ERCC6: variants seen among roughly 807,000 people sequenced by gnomAD.
ERCC6 encodes the protein DNA excision repair protein ERCC-6.
A neutral mutation model predicts 158.7 loss-of-function variants in ERCC6; 116 were observed. That is an observed-to-expected ratio of 0.73 (90% CI 0.63 to 0.85). ERCC6 has a LOEUF of 0.85. Ranked by LOEUF, ERCC6 falls within the 40% of genes least tolerant of loss-of-function variation. ERCC6 has a pLI of 0.00. For synonymous variants in ERCC6, 678 were observed against 659.3 expected (o/e 1.03, Z -0.43); for missense variants, 1,698 against 1,799.4 (o/e 0.94, Z 1.02).
At chr10:49,450,740 C>T (rs140782522), downstream of ERCC6, among the ~76,000 whole-genome samples, 9 of 152,060 alleles carry the variant, frequency 5.9e-5, no homozygotes, top group East Asian at 1.7e-3. Context: ...TTATTAAGCA[C>T]CTTATTCTTT....
chr10:49,462,208 T>C (rs1371878210), intron 18 of ERCC6, among the ~76,000 whole-genome samples: 8 of 152,116 alleles, frequency 5.3e-5, no homozygotes, highest in African/African-American at 1.9e-4. Context: ...AAAATAGAAA[T>C]AGATTGAACT....
intron 1 of ERCC6, among the ~76,000 whole-genome samples, chr10:49,536,332 G>A (rs931699770): frequency 6.6e-6 from 1 of 152,082 alleles, no homozygotes; most frequent in Non-Finnish European, 1.5e-5. Flanking sequence ...AGAAAAACTA[G>A]AGCACGTAAT....
chr10:49,447,711 AAAAG>A, the ERCC6 span, among the ~76,000 whole-genome samples: 4 of 151,792 alleles, frequency 2.6e-5, no homozygotes, highest in African/African-American at 4.8e-5. Flanking sequence ...CAAAAAAAAA[AAAAG>A]AAAGAAAGAA....
chr10:49,525,176 T>TG, intron 4 of ERCC6: 1 of 227,406 alleles, frequency 4.4e-6, no homozygotes. Context: ...AACATTCAGA[T>TG]GGACTTAAAT....
chr10:49,505,672 A>G, intron 6 of ERCC6: 2 of 597,594 alleles, frequency 3.3e-6, no homozygotes, highest in Admixed American at 3.0e-5. Flanking sequence ...TCAGTTTACA[A>G]ACATACCCAA....
chr10:49,460,552 A>G, intron 19 of ERCC6, 101 bp from the exon 20 acceptor site: 1 of 823,492 alleles, frequency 1.2e-6, no homozygotes, highest in East Asian at 2.5e-5. Context: ...AAACATTTCC[A>G]TCTGCATGCT....
At chr10:49,516,698 C>A (rs1836978374) in intron 5 of ERCC6, 2 of 1,614,068 alleles carry the variant, frequency 1.2e-6, no homozygotes, top group African/African-American at 2.7e-5. Flanking sequence ...TGGGAGTTCT[C>A]ATTACGGTGA....
chr10:49,470,625 T>A lies in ERCC6; in HGVS notation c.3335A>T (p.Asn1112Ile), dbSNP rs1850759565. Residue 1112 changes from asparagine (N) to isoleucine (I), a missense_variant, in exon 18 of 21, where the codon AAT becomes ATT. By Grantham distance (149) the Asn-to-Ile change is moderately radical. Coordinates refer to ENST00000355832, the MANE Select transcript of ERCC6 (RefSeq NM_000124.4). ...TSNDRLGEET[N>I]AVSGPEELSV... ...CAACTCTTCTGGTCCAGATACTGCA[T>A]TTGTCTCTTCTCCAAGCCTATCATT... 1.9e-6 allele frequency: 3 copies of A among 1,613,526 alleles called. No individual in the cohort carries two copies. The highest frequency in any genetic ancestry group is 1.7e-6 in the Non-Finnish European group (2 of 1,179,654).
In ERCC6 at chr10:49,526,145, A is replaced by C. The variant is rs201924626; in HGVS notation, c.653-1368T>G. Among the ~76,000 whole-genome samples the C allele has an allele frequency of 3.4e-3, 161 of 46,828 alleles. 7 individuals are homozygous for C. Among genetic ancestry groups the C allele is most frequent in the Middle Eastern group, 0.013 (1 of 80 alleles). 30.7% of individuals were successfully genotyped at this position (46,828 alleles called of 152,430 possible). Reference sequence around the variant, plus strand: ...TATATATATATATATATATATATATATATATATATATATATATCTGGGTAT... The same window carrying C: ...TATATATATATATATATATATATATCTATATATATATATATATCTGGGTAT... On this transcript the variant is annotated intron_variant, in intron 4 of 20. Coordinates refer to ENST00000355832, the MANE Select transcript of ERCC6 (RefSeq NM_000124.4).
the ERCC6 span, among the ~76,000 whole-genome samples, chr10:49,447,117 T>C: frequency 6.6e-6 from 1 of 151,956 alleles, no homozygotes; most frequent in Non-Finnish European, 1.5e-5. Flanking sequence ...GAAAAATTTA[T>C]GTGGAAAAAA....
intron 8 of ERCC6, among the ~76,000 whole-genome samples, chr10:49,484,448 A>C (rs1360377666): frequency 6.6e-6 from 1 of 152,080 alleles, no homozygotes. Context: ...TTCCAAAAAT[A>C]AATAAAAACA....
At chr10:49,538,873 A>T (rs1837669415) in intron 1 of ERCC6, 89 bp downstream of exon 1, 1 of 54,510 alleles carries the variant, frequency 1.8e-5, no homozygotes, top group Non-Finnish European at 3.3e-5. Flanking sequence ...CGGCGAGGCC[A>T]AGGCGCGGGG....
chr10:49,470,084 C>T (rs1850745346), intron 18 of ERCC6, 98 bp downstream of exon 18: 3 of 1,049,046 alleles, frequency 2.9e-6, no homozygotes, highest in Middle Eastern at 2.0e-4. Context: ...TGGCTGACAG[C>T]CCTCTATGCA....
At chr10:49,485,214 C>A (rs1851056192) in intron 8 of ERCC6, among the ~76,000 whole-genome samples, 1 of 152,194 alleles carries the variant, frequency 6.6e-6, no homozygotes, top group African/African-American at 2.4e-5. Context: ...CATCACTAAC[C>A]CCATTTTACA....
intron 1 of ERCC6, among the ~76,000 whole-genome samples, chr10:49,536,517 G>A (rs1837602586): frequency 6.6e-6 from 1 of 152,202 alleles, no homozygotes; most frequent in African/African-American, 2.4e-5. Context: ...AGCTGAAGTG[G>A]ATTACAGACA....
At position 49,470,715 on chromosome 10, in the gene ERCC6, G is replaced by A. The variant is rs1354394440; in HGVS notation, c.3245C>T (p.Ala1082Val). 1.9e-6 allele frequency: 3 copies of A among 1,614,118 alleles called. No homozygotes were observed. The highest frequency in any genetic ancestry group is 2.5e-6 in the Non-Finnish European group (3 of 1,180,038). ...KSEAKGAEVN[A>V]VTSNRSDPLK... Reference sequence around the variant, plus strand: ...AGGATCACTTCGATTAGAAGTTACTGCATTTACTTCAGCTCCTTTAGCCTC... The same window carrying A: ...AGGATCACTTCGATTAGAAGTTACTACATTTACTTCAGCTCCTTTAGCCTC... The change falls in exon 18 of 21, where the codon GCA becomes GTA. Residue 1082 changes from alanine (A) to valine (V), a missense_variant. By Grantham distance (64) the Ala-to-Val change is moderately conservative. Transcript: ENST00000355832.
At position 49,458,624 on chromosome 10, in the gene ERCC6, G is replaced by A. The variant is rs368738108; in HGVS notation, c.*191C>T. 15 of 616,572 alleles carry A rather than the reference G, an allele frequency of 2.4e-5. 1 individual carries two copies. Among genetic ancestry groups the A allele is most frequent in the African/African-American group, 2.2e-4 (12 of 53,994 alleles). 38.2% of individuals were successfully genotyped at this position (616,572 alleles called of 1,614,324 possible). A position where few individuals can be genotyped will look rare whatever the true frequency, so the allele number is the denominator to read the frequency against. ...ATCCAAGTATTTTCTCCTTTAGCTA[G>A]CATTATTAAAACTTTTAACTTTCAG... On this transcript the variant is annotated 3_prime_UTR_variant, in exon 21 of 21. Transcript: ENST00000355832.
At chr10:49,459,782 A>G (rs956991208) in intron 20 of ERCC6, among the ~76,000 whole-genome samples, 3 of 152,220 alleles carry the variant, frequency 2.0e-5, no homozygotes, top group Non-Finnish European at 2.9e-5. Context: ...AGCACAGAAC[A>G]TGGGAAGTCA....
chr10:49,454,088 G>C (rs1215897607), downstream of ERCC6, among the ~76,000 whole-genome samples: 1 of 151,828 alleles, frequency 6.6e-6, no homozygotes, highest in Non-Finnish European at 1.5e-5. Context: ...ATACTTAATG[G>C]TGCACATAAT....
Sources: gnomAD v4.1 joint callset for allele counts (sites outside exome capture counted in the v4.1 genomes callset) on GRCh38, gnomAD v4.1.1 for gene constraint, MANE v1.5 for transcripts, NCBI Gene and HGNC (gene_info 2026-07-23, HGNC 2026-07-21) for gene names.